RDH16: variants seen among roughly 807,000 people sequenced by gnomAD.
RDH16 encodes the protein human epidermal retinol dehydrogenase.
In RDH16, 25 loss-of-function variants were observed where a neutral mutation model predicts 22.3. The observed-to-expected ratio is 1.12, with a 90% CI of 0.82 to 1.56. The LOEUF (loss-of-function observed/expected upper bound fraction) is 1.56, where lower values mean the gene tolerates loss of function less well. Among genes scored for constraint, RDH16 ranks in the 40% most tolerant of loss-of-function variants. The pLI is 0.00. For synonymous variants in RDH16, 154 were observed against 164.4 expected, an observed-to-expected ratio of 0.94 and a Z score of 0.48; for missense variants, 413 against 394.9, an observed-to-expected ratio of 1.05 and a Z score of -0.39.
intron 2 of RDH16, 138 bp from the exon 3 acceptor site, chr12:56,953,128 C>T (rs761170542): frequency 3.5e-5 from 28 of 803,638 alleles, no homozygotes; most frequent in Non-Finnish European, 5.2e-5. Flanking sequence ...TAATTTCCAG[C>T]AATCAAGGGG....
intron 3 of RDH16, among the ~76,000 whole-genome samples, 183 bp from the exon 4 acceptor site, chr12:56,952,429 T>C (rs947957313): frequency 1.3e-5 from 2 of 152,176 alleles, no homozygotes; most frequent in Non-Finnish European, 2.9e-5. Context: ...AAGTAGCAAG[T>C]GTCTCACACT....
chr12:56,955,174 T>C lies in RDH16; in HGVS notation c.314-10A>G. 6.2e-7 allele frequency: 1 copy of C among 1,613,734 alleles called. No homozygotes were observed. The highest frequency in any genetic ancestry group is 8.5e-7 in the Non-Finnish European group (1 of 1,179,900). ...ACCAGGCCCCAGAGTCCTGGGACAG[T>C]GGGAAGATGAGAGAGCATCACTGTG... On this transcript the variant is annotated splice_polypyrimidine_tract_variant and intron_variant, in intron 1 of 3. Transcript: ENST00000398138.
rs11172074 is a variant in RDH16 at position 56,957,144 on chromosome 12, G to T, written c.313+6C>A. On this transcript the variant is annotated splice_donor_region_variant and intron_variant, in intron 1 of 3. Transcript: ENST00000398138. ...ACAGACAGACTTGACAAACCTGGGTGGTTACCTTTGTCTCTCACGCACTCC... is the reference window on the plus strand; with the variant it reads ...ACAGACAGACTTGACAAACCTGGGTTGTTACCTTTGTCTCTCACGCACTCC... 6.2e-7 allele frequency: 1 copy of T among 1,600,106 alleles called. No homozygotes were observed. The highest frequency in any genetic ancestry group is 2.2e-5 in the East Asian group (1 of 44,620).
At chr12:56,956,670 C>T (rs1031078851) in intron 1 of RDH16, among the ~76,000 whole-genome samples, 2 of 152,134 alleles carry the variant, frequency 1.3e-5, no homozygotes, top group African/African-American at 4.8e-5. Flanking sequence ...CTGATACTCT[C>T]CTCTGAAGAT....
Position 56,952,902 on chromosome 12 carries a change from T to C in RDH16, c.661A>G (p.Lys221Glu), listed in dbSNP as rs1168591077. 11 of 1,614,066 alleles carry C rather than the reference T, an allele frequency of 6.8e-6. No individual in the cohort carries two copies. Among genetic ancestry groups the C allele is most frequent in the Non-Finnish European group, 9.3e-6 (11 of 1,180,000 alleles). ...CGGTCCCAAATCTCCAGGAAGCTCT[T>C]TAAGAATCTCTCCTTACTGGTCACA... ...TAVTSKERFLKSFLEIWDRSS... is the reference protein window; with the variant it reads ...TAVTSKERFLESFLEIWDRSS... The change falls in exon 3 of 4, where the codon AAG becomes GAG. Residue 221 changes from lysine (K) to glutamate (E), a missense_variant. By Grantham distance (56) the Lys-to-Glu change is moderately conservative. Transcript: ENST00000398138.
Position 56,952,036 on chromosome 12 carries a change from G to T in RDH16, c.947C>A (p.Ala316Asp). The part of the protein sequence containing the change: ...MYWVSPSPAK[A>D]L ...ATGCATCCAACCTTAGCTTCATAGA[G>T]CCTTGGCCGGGCTTGGAGAGACCCA... Residue 316 changes from alanine to aspartate, a missense_variant, in exon 4 of 4, where the codon GCT becomes GAT. Coordinates refer to ENST00000398138, the MANE Select transcript of RDH16 (RefSeq NM_003708.5). 6.2e-7 allele frequency: 1 copy of T among 1,613,946 alleles called. No individual in the cohort carries two copies. Among genetic ancestry groups the T allele is most frequent in the South Asian group, 1.1e-5 (1 of 91,062 alleles).
Position 56,957,350 on chromosome 12 carries a change from T to TCACA in RDH16, c.109_112dup (p.Asp38ValfsTer2), listed in dbSNP as rs1955939654. 3.1e-6 allele frequency: 5 copies of TCACA among 1,613,974 alleles called. No individual in the cohort carries two copies. Among genetic ancestry groups the TCACA allele is most frequent in the Non-Finnish European group, 3.4e-6 (4 of 1,180,006 alleles). On this transcript the variant is annotated stop_gained and frameshift_variant, in exon 1 of 4. Coordinates refer to ENST00000398138, the MANE Select transcript of RDH16 (RefSeq NM_003708.5). LOFTEE classifies it high-confidence loss of function. ...GGCCAGCAGTTTCCCGAAGCCAGAGTCACAGCCCGTGATGAACACATACTT... is the reference window on the plus strand; with the variant it reads ...GGCCAGCAGTTTCCCGAAGCCAGAGTCACACACAGCCCGTGATGAACACATACTT...
intron 2 of RDH16, among the ~76,000 whole-genome samples, chr12:56,953,333 G>A (rs546801059): frequency 5.4e-4 from 82 of 152,196 alleles, no homozygotes; most frequent in African/African-American, 1.6e-3. Flanking sequence ...CCCCTCCCTC[G>A]TTTTCCTGCC....
intron 1 of RDH16, among the ~76,000 whole-genome samples, chr12:56,956,587 T>C (rs1014136883): frequency 3.3e-5 from 5 of 152,138 alleles, no homozygotes; most frequent in Admixed American, 6.5e-5. Flanking sequence ...ACAGATGAAT[T>C]AGTGTAGTGA....
chr12:56,956,352 TG>T (rs1209563428), intron 1 of RDH16, among the ~76,000 whole-genome samples: 1 of 152,248 alleles, frequency 6.6e-6, no homozygotes, highest in African/African-American at 2.4e-5. Context: ...ACAGTCATTA[TG>T]GTGGAAAAGT....
Position 56,951,641 on chromosome 12 carries a change from G to GGTGGTC in RDH16, c.*387_*388insGACCAC. On this transcript the variant is annotated 3_prime_UTR_variant, in exon 4 of 4. Coordinates refer to ENST00000398138, the MANE Select transcript of RDH16 (RefSeq NM_003708.5). ...TCCACCCCGTGGGAGGGTGTAGACT[G>GGTGGTC]GCCCAGAATTAACACACAGCCTGAT... 1 of 243,706 alleles carries GGTGGTC rather than the reference G, an allele frequency of 4.1e-6. No homozygotes were observed. The highest frequency in any genetic ancestry group is 8.2e-6 in the Non-Finnish European group (1 of 121,756). 15.1% of individuals were successfully genotyped at this position (243,706 alleles called of 1,614,324 possible).
At chr12:56,955,841 C>A (rs1273536884) in intron 1 of RDH16, among the ~76,000 whole-genome samples, 3 of 152,128 alleles carry the variant, frequency 2.0e-5, no homozygotes, top group Non-Finnish European at 4.4e-5. Context: ...ACAGACTCCA[C>A]CCTCTGCCCC....
chr12:56,953,742 G>A (rs1274126240), intron 2 of RDH16, among the ~76,000 whole-genome samples: 3 of 152,144 alleles, frequency 2.0e-5, no homozygotes, highest in African/African-American at 7.2e-5. Flanking sequence ...GCTGCCAGGT[G>A]GAGTTCTCAA....
At chr12:56,954,671 G>A (rs557313584) in intron 2 of RDH16, among the ~76,000 whole-genome samples, 8 of 152,312 alleles carry the variant, frequency 5.3e-5, no homozygotes, top group South Asian at 4.2e-4. Flanking sequence ...AAGAGGTATC[G>A]TTCAAGAAAC....
In RDH16 at chr12:56,952,103, T is replaced by C; in HGVS notation, c.880A>G (p.Met294Val). The change falls in exon 4 of 4, where the codon ATG becomes GTG. Residue 294 changes from methionine (M) to valine (V), a missense_variant. Coordinates refer to ENST00000398138, the MANE Select transcript of RDH16 (RefSeq NM_003708.5). The stretch of plus-strand genomic sequence containing the variant: ...ACCAGGAAGGTGGGCATGTAGCTCA[T>C]GGGGAGGTAGAGAAGCTTGGCATCC... Reference protein sequence around the residue: ...GWDAKLLYLPMSYMPTFLVDA... With the variant: ...GWDAKLLYLPVSYMPTFLVDA... 1 of 1,614,076 alleles carries C rather than the reference T, an allele frequency of 6.2e-7. No homozygotes were observed. Among genetic ancestry groups the C allele is most frequent in the Non-Finnish European group, 8.5e-7 (1 of 1,180,002 alleles).
rs1422382481 is a variant in RDH16 at position 56,957,374 on chromosome 12, T to C, written c.89A>G (p.Lys30Arg). Residue 30 changes from lysine to arginine, a missense_variant, in exon 1 of 4, where the codon AAG (lysine) becomes AGG (arginine). Physicochemically the swap from Lys to Arg is conservative, Grantham distance 26. Transcript: ENST00000398138. The part of the protein sequence containing the change: ...ERQVLSHLRD[K>R]YVFITGCDSG... ...GTCACAGCCCGTGATGAACACATACTTATCTCTCAGGTGGCTCAGCACCTG... is the reference window on the plus strand; with the variant it reads ...GTCACAGCCCGTGATGAACACATACCTATCTCTCAGGTGGCTCAGCACCTG... 1 of 1,614,112 alleles carries C rather than the reference T, an allele frequency of 6.2e-7. No individual in the cohort carries two copies. The highest frequency in any genetic ancestry group is 1.3e-5 in the African/African-American group (1 of 75,016).
chr12:56,952,717 G>A (rs1955892951), intron 3 of RDH16, 110 bp downstream of exon 3: 6 of 1,344,768 alleles, frequency 4.5e-6, no homozygotes, highest in Admixed American at 2.2e-5. Flanking sequence ...CCACTCTGTG[G>A]GGAAGGGAGA....
Position 56,955,214 on chromosome 12 carries a change from G to A in RDH16, c.314-50C>T, listed in dbSNP as rs1242726641. The A allele has an allele frequency of 2.5e-6, 4 of 1,604,692 alleles. No homozygotes were observed. In the South Asian group the frequency reaches 3.3e-5, roughly 13 times the overall value. On this transcript the variant is annotated intron_variant, in intron 1 of 3. Transcript: ENST00000398138. ...GCATCACTGTGTTGTGCCTGTGCAG[G>A]TGGACAGAGTTAGGGTGCAAATCAC... is the stretch of plus-strand genomic sequence containing the variant.
chr12:56,952,714 G>A, intron 3 of RDH16, 113 bp downstream of exon 3: 1 of 1,329,896 alleles, frequency 7.5e-7, no homozygotes, highest in South Asian at 1.4e-5. Context: ...TCTCCACTCT[G>A]TGGGGAAGGG....
Sources: allele counts gnomAD v4.1 joint callset (sites outside exome capture counted in the v4.1 genomes callset), GRCh38; gene constraint gnomAD v4.1.1; transcripts MANE v1.5; gene names NCBI Gene and HGNC (gene_info 2026-07-23, HGNC 2026-07-21).